CCDC170: variants seen among roughly 807,000 people sequenced by gnomAD.
CCDC170 encodes coiled-coil domain containing 170, also known as coiled-coil domain-containing protein 170.
Under a neutral mutation model 72.6 loss-of-function variants are expected in CCDC170, and 69 were observed. The ratio of observed to expected loss-of-function variants is 0.95; its 90% CI spans 0.78 to 1.16. The LOEUF (loss-of-function observed/expected upper bound fraction) is 1.16, where lower values mean the gene tolerates loss of function less well. Among genes scored for constraint, CCDC170 ranks in the 50% most tolerant of loss-of-function variants. CCDC170 has a pLI of 0.00. For synonymous variants in CCDC170, 300 were observed against 303.9 expected (o/e 0.99, Z 0.13); for missense variants, 852 against 832.5 (o/e 1.02, Z -0.29).
intron 7 of CCDC170, among the ~76,000 whole-genome samples, chr6:151,588,671 T>C (rs1209638282): frequency 6.6e-6 from 1 of 152,198 alleles, no homozygotes; most frequent in African/African-American, 2.4e-5. Context: ...CTGGGTTTGG[T>C]GGCTCACACC....
intron 5 of CCDC170, among the ~76,000 whole-genome samples, chr6:151,552,031 T>C (rs1782887081): frequency 6.6e-6 from 1 of 151,876 alleles, no homozygotes; most frequent in African/African-American, 2.4e-5. Flanking sequence ...GTCAGGTTTT[T>C]TTTTTTTTTT....
intron 7 of CCDC170, among the ~76,000 whole-genome samples, chr6:151,590,926 T>G (rs1776525353): frequency 6.6e-6 from 1 of 152,168 alleles, no homozygotes; most frequent in Admixed American, 6.5e-5. Context: ...AGGTTAAAAA[T>G]TAAAAATTCC....
At chr6:151,605,389 C>A (rs1035869967) in intron 9 of CCDC170, among the ~76,000 whole-genome samples, 3 of 152,168 alleles carry the variant, frequency 2.0e-5, no homozygotes, top group African/African-American at 7.2e-5. Flanking sequence ...GGTTCATGCC[C>A]AGGAGATGTA....
intron 5 of CCDC170, among the ~76,000 whole-genome samples, chr6:151,556,700 A>C (rs1782982499): frequency 6.6e-6 from 1 of 152,192 alleles, no homozygotes; most frequent in African/African-American, 2.4e-5. Context: ...TAAGGTCTTC[A>C]TCACCTCAAC....
chr6:151,532,976 G>A (rs17054388), intron 1 of CCDC170, among the ~76,000 whole-genome samples: 1 of 151,988 alleles, frequency 6.6e-6, no homozygotes. Context: ...GATCCCTGCC[G>A]CAGGGCCCTT....
At chr6:151,600,678 A>C (rs577383784) in intron 9 of CCDC170, among the ~76,000 whole-genome samples, 47 of 152,306 alleles carry the variant, frequency 3.1e-4, no homozygotes, top group African/African-American at 1.1e-3. Context: ...CCACTCTTAG[A>C]GGGACAATAT....
chr6:151,497,170 G>A lies in CCDC170; in HGVS notation c.57+2985G>A, dbSNP rs116750898. Among the ~76,000 whole-genome samples the A allele has an allele frequency of 1.7e-3, 252 of 150,476 alleles. 1 individual carries two copies. The highest frequency in any genetic ancestry group is 5.6e-3 in the African/African-American group (230 of 40,980). The stretch of plus-strand genomic sequence containing the variant: ...TTTGGGAGGCAGAGGTGTGTGGATC[G>A]CTTGAGCCCAAGAGTTTAAGACCAG... On this transcript the variant is annotated intron_variant, in intron 1 of 10. Coordinates refer to ENST00000239374, the MANE Select transcript of CCDC170 (RefSeq NM_025059.4).
At chr6:151,535,637 C>T (rs900884297) in intron 1 of CCDC170, among the ~76,000 whole-genome samples, 1 of 152,120 alleles carries the variant, frequency 6.6e-6, no homozygotes, top group Non-Finnish European at 1.5e-5. Flanking sequence ...AACTGTCCCT[C>T]GTTACACAGG....
chr6:151,598,647 AAAATCAC>A (rs1776659811), intron 9 of CCDC170, among the ~76,000 whole-genome samples: 1 of 152,214 alleles, frequency 6.6e-6, no homozygotes, highest in Non-Finnish European at 1.5e-5. Context: ...CACTTTTTCT[AAAATCAC>A]AAGGACTTTC....
In CCDC170 at chr6:151,544,664, T is replaced by A; in HGVS notation, c.536T>A (p.Leu179Ter). ...TTTCTGACTCAACTGCGTGACTGCT[T>A]GGATCCAGATGAGAGGAATGACAAG... is the stretch of plus-strand genomic sequence containing the variant. ...EEFLTQLRDCLDPDERNDKAS... is the reference protein window; with the variant it reads ...EEFLTQLRDC Residue 179 changes from leucine to a stop codon, truncating the protein, a stop_gained, in exon 4 of 11, where the codon TTG becomes TAG. Transcript: ENST00000239374. LOFTEE classifies it high-confidence loss of function. The A allele has an allele frequency of 6.2e-7, 1 of 1,613,574 alleles. No homozygotes were observed. Among genetic ancestry groups the A allele is most frequent in the Non-Finnish European group, 8.5e-7 (1 of 1,179,578 alleles).
intron 5 of CCDC170, among the ~76,000 whole-genome samples, chr6:151,555,433 A>G (rs1270874772): frequency 7.2e-5 from 11 of 152,318 alleles, no homozygotes; most frequent in African/African-American, 2.2e-4. Flanking sequence ...CTACTGAAGA[A>G]ATGACAGACC....
intron 5 of CCDC170, among the ~76,000 whole-genome samples, chr6:151,559,070 T>C (rs898523898): frequency 6.9e-6 from 1 of 145,414 alleles, no homozygotes; most frequent in Non-Finnish European, 1.5e-5. Flanking sequence ...TGGAGTGCAG[T>C]GGTGTGATCT....
intron 5 of CCDC170, among the ~76,000 whole-genome samples, chr6:151,557,242 A>G (rs181606900): frequency 5.3e-5 from 8 of 152,090 alleles, no homozygotes; most frequent in East Asian, 3.9e-4. Flanking sequence ...CCCCGTCTCT[A>G]CTAAAAAATA....
chr6:151,600,300 T>C (rs1340591870), intron 9 of CCDC170, among the ~76,000 whole-genome samples: 1 of 152,220 alleles, frequency 6.6e-6, no homozygotes, highest in Non-Finnish European at 1.5e-5. Context: ...TAAAGCAATA[T>C]TTCTGAACAT....
chr6:151,613,544 T>G (rs1022603793), intron 9 of CCDC170, among the ~76,000 whole-genome samples: 1 of 152,222 alleles, frequency 6.6e-6, no homozygotes, highest in Non-Finnish European at 1.5e-5. Flanking sequence ...GTCCTCCTAC[T>G]AGCCCCTGGC....
chr6:151,599,182 AAGG>A (rs1483586968), intron 9 of CCDC170, among the ~76,000 whole-genome samples: 1 of 152,214 alleles, frequency 6.6e-6, no homozygotes, highest in Non-Finnish European at 1.5e-5. Flanking sequence ...AGAGAACAAT[AAGG>A]AGAATTTGCA....
intron 1 of CCDC170, among the ~76,000 whole-genome samples, chr6:151,500,894 G>A (rs369012336): frequency 6.6e-6 from 1 of 152,084 alleles, no homozygotes; most frequent in East Asian, 1.9e-4. Flanking sequence ...CAAAAATTTG[G>A]TAAGAGAGCT....
intron 1 of CCDC170, among the ~76,000 whole-genome samples, chr6:151,498,816 A>G (rs1429539520): frequency 6.6e-6 from 1 of 152,174 alleles, no homozygotes; most frequent in African/African-American, 2.4e-5. Context: ...CATGCTGTAT[A>G]AGTGGAATCA....
intron 1 of CCDC170, among the ~76,000 whole-genome samples, chr6:151,506,544 ACAT>A (rs745879315): frequency 3.3e-5 from 5 of 152,210 alleles, no homozygotes; most frequent in Non-Finnish European, 7.3e-5. Context: ...GTTTCATTTC[ACAT>A]CATTTTGACC....
Sources: allele counts gnomAD v4.1 joint callset (sites outside exome capture counted in the v4.1 genomes callset), GRCh38; gene constraint gnomAD v4.1.1; transcripts MANE v1.5; gene names NCBI Gene and HGNC (gene_info 2026-07-23, HGNC 2026-07-21).